OASL: variants seen among roughly 807,000 people sequenced by gnomAD.
The protein encoded by OASL is 2'-5'-oligoadenylate synthetase like, also known as 2'-5'-oligoadenylate synthase-like protein.
Under a neutral mutation model 35.3 loss-of-function variants are expected in OASL, and 28 were observed. That is an observed-to-expected ratio of 0.79 (90% CI 0.59 to 1.09). The LOEUF is 1.09. Ranked by LOEUF, OASL falls within the 50% of genes least tolerant of loss-of-function variation. The probability of loss-of-function intolerance (pLI) is 0.00; values close to 1 mark genes in which losing one functional copy is unlikely to be tolerated. For missense variants in OASL, 620 were observed against 635.2 expected, an observed-to-expected ratio of 0.98 and a Z score of 0.26; for synonymous variants, 252 against 254.6, an observed-to-expected ratio of 0.99 and a Z score of 0.10.
At position 121,022,369 on chromosome 12, in the gene OASL, G is replaced by A. The variant is rs565250167; in HGVS notation, c.1048-1311C>T. 1.2e-4 allele frequency among the ~76,000 whole-genome samples: 18 copies of A among 152,254 alleles called. No homozygotes were observed. In the South Asian group the frequency reaches 3.5e-3, roughly 30 times the overall value. ...CAAAGTGCTGGGATTACAGATGTGA[G>A]CCACCGCACCTGGCCAAGTTTTGTA... On this transcript the variant is annotated intron_variant, in intron 5 of 5. Coordinates refer to ENST00000257570, the Ensembl canonical transcript of OASL.
At chr12:121,023,778 G>A (rs894608229) in intron 5 of OASL, 22 of 508,368 alleles carry the variant, frequency 4.3e-5, no homozygotes, top group African/African-American at 3.4e-4. Flanking sequence ...AGAAAGGAAA[G>A]GAGAACAAGA....
intron 4 of OASL, among the ~76,000 whole-genome samples, chr12:121,027,193 C>T (rs1592934690): frequency 2.0e-5 from 3 of 152,194 alleles, no homozygotes; most frequent in Non-Finnish European, 4.4e-5. Context: ...TTACTCCTGT[C>T]TTATGGATAA....
At chr12:121,022,105 T>TC (rs1555214970) in intron 5 of OASL, among the ~76,000 whole-genome samples, 4 of 148,178 alleles carry the variant, frequency 2.7e-5, no homozygotes, top group Non-Finnish European at 6.0e-5. Flanking sequence ...TTTTTTTTTT[T>TC]CAGATGGAAT....
exon 6 of OASL, chr12:121,020,327 G>T: frequency 2.3e-6 from 1 of 434,574 alleles, no homozygotes; most frequent in South Asian, 3.7e-5. Context: ...TAGAGACGGG[G>T]TCTCCCTGTG....
intron 2 of OASL, among the ~76,000 whole-genome samples, chr12:121,032,618 G>A (rs1282032993): frequency 6.6e-6 from 1 of 152,134 alleles, no homozygotes; most frequent in East Asian, 1.9e-4. Context: ...GCCCATGGAC[G>A]CACGTTGTAT....
At position 121,021,477 on chromosome 12, in the gene OASL, C is replaced by G. The variant is rs145988796; in HGVS notation, c.1048-419G>C. On this transcript the variant is annotated intron_variant, in intron 5 of 5. Transcript: ENST00000257570. Reference sequence around the variant, plus strand: ...GTGGCTGGAGAGCACCTGGAAAATGCTGGCGAGGGTCAGGCCTCTAGCTGA... The same window carrying G: ...GTGGCTGGAGAGCACCTGGAAAATGGTGGCGAGGGTCAGGCCTCTAGCTGA... 6.3e-3 allele frequency among the ~76,000 whole-genome samples: 954 copies of G among 152,338 alleles called. 5 individuals are homozygous for G. Among genetic ancestry groups the G allele is most frequent in the Middle Eastern group, 0.017 (5 of 294 alleles).
At chr12:121,034,070 T>G (rs564364616) in intron 1 of OASL, among the ~76,000 whole-genome samples, 106 of 152,194 alleles carry the variant, frequency 7.0e-4, no homozygotes, top group Non-Finnish European at 1.1e-3. Flanking sequence ...GAGGATCAGA[T>G]GAAATAATGT....
chr12:121,033,280 G>A (rs145790240), intron 2 of OASL, among the ~76,000 whole-genome samples, 181 bp downstream of exon 2: 82 of 152,226 alleles, frequency 5.4e-4, no homozygotes, highest in African/African-American at 1.7e-3. Context: ...TCCAAGTTGA[G>A]CAATATGATA....
At position 121,033,849 on chromosome 12, in the gene OASL, G is replaced by A. The variant is rs1869849211; in HGVS notation, c.199-106C>T. On this transcript the variant is annotated intron_variant, in intron 1 of 5. Coordinates refer to ENST00000257570, the Ensembl canonical transcript of OASL. Reference sequence around the variant, plus strand: ...TCACTGAATGCTCACCACCCGCTGAGGGATGGGTTGTGGGTAGTACTAATA... The same window carrying A: ...TCACTGAATGCTCACCACCCGCTGAAGGATGGGTTGTGGGTAGTACTAATA... The A allele has an allele frequency of 3.2e-6, 4 of 1,248,486 alleles. No homozygotes were observed. In the South Asian group the frequency reaches 4.1e-5, roughly 13 times the overall value. The allele number at this position is 1,248,486 out of a possible 1,614,324, so 77.3% of individuals were successfully genotyped here. A position where few individuals can be genotyped will look rare whatever the true frequency, so the allele number is the denominator to read the frequency against.
chr12:121,019,517 G>A (rs1199612591), exon 6 of OASL: 2 of 152,130 alleles, frequency 1.3e-5, no homozygotes, highest in East Asian at 1.9e-4. Context: ...GGTTTTAGGA[G>A]TTGAGGTGAT....
In OASL at chr12:121,020,674, A is replaced by G. The variant is rs754693338; in HGVS notation, c.1432T>C (p.Phe478Leu). ...CAGTCCTGCAGGACTTGGCCTTGGAATTCCAGCTGCTGCTGCTTTTTAGGA... is the reference window on the plus strand; with the variant it reads ...CAGTCCTGCAGGACTTGGCCTTGGAGTTCCAGCTGCTGCTGCTTTTTAGGA... Residue 478 changes from phenylalanine (F) to leucine (L), a missense_variant, in exon 6 of 6, where the codon TTC (phenylalanine) becomes CTC (leucine). By Grantham distance (22) the Phe-to-Leu change is conservative (BLOSUM62 0). Coordinates refer to ENST00000257570, the Ensembl canonical transcript of OASL. 3.7e-6 allele frequency: 6 copies of G among 1,614,212 alleles called. No homozygotes were observed. The South Asian group carries it at 6.6e-5, about 18-fold the overall frequency.
intron 5 of OASL, chr12:121,023,671 G>A (rs767458824): frequency 2.7e-5 from 7 of 259,070 alleles, no homozygotes; most frequent in Non-Finnish European, 4.6e-5. Context: ...GAACAGCACT[G>A]GCACAGAATG....
At chr12:121,032,228 C>G (rs528296173) in intron 2 of OASL, among the ~76,000 whole-genome samples, 1 of 152,042 alleles carries the variant, frequency 6.6e-6, no homozygotes, top group South Asian at 2.1e-4. Context: ...ATAGGGAGAA[C>G]CAGGAACCAG....
chr12:121,026,515 A>C (rs1023356109), intron 4 of OASL, among the ~76,000 whole-genome samples: 1 of 152,172 alleles, frequency 6.6e-6, no homozygotes, highest in African/African-American at 2.4e-5. Context: ...TGGGTATTGA[A>C]GTAATTACTA....
intron 4 of OASL, among the ~76,000 whole-genome samples, chr12:121,025,048 G>A (rs946704885): frequency 3.6e-5 from 5 of 140,778 alleles, no homozygotes; most frequent in Non-Finnish European, 6.0e-5. Context: ...GTGCAATCTC[G>A]GCTCACTGCA....
chr12:121,035,318 A>G (rs1294107906), intron 1 of OASL, among the ~76,000 whole-genome samples: 1 of 152,064 alleles, frequency 6.6e-6, no homozygotes, highest in Non-Finnish European at 1.5e-5. Context: ...TGAGGTCAGG[A>G]GTTCGAGATC....
chr12:121,027,628 G>C, exon 4 of OASL: 1 of 1,613,686 alleles, frequency 6.2e-7, no homozygotes, highest in Admixed American at 1.7e-5. Context: ...GCATTGTGGA[G>C]TGTGTAGTAC....
chr12:121,030,538 G>C (rs1253651306), intron 3 of OASL, among the ~76,000 whole-genome samples: 1 of 151,868 alleles, frequency 6.6e-6, no homozygotes, highest in African/African-American at 2.4e-5. Flanking sequence ...CTTTCCTTCT[G>C]CTGTCTGATT....
At chr12:121,027,808 C>T (rs117659750) in exon 4 of OASL, 2 of 1,613,322 alleles carry the variant, frequency 1.2e-6, no homozygotes, top group Middle Eastern at 1.7e-4. Flanking sequence ...GGGGACCTGG[C>T]TTTCACATAC....
Sources: allele counts gnomAD v4.1 joint callset (sites outside exome capture counted in the v4.1 genomes callset), GRCh38; gene constraint gnomAD v4.1.1; transcripts MANE v1.5; gene names NCBI Gene and HGNC (gene_info 2026-07-23, HGNC 2026-07-21).